SPMAP2L: variants seen among roughly 807,000 people sequenced by gnomAD.
SPMAP2L encodes the protein sperm microtubule associated protein 2-like.
the SPMAP2L span, among the ~76,000 whole-genome samples, chr4:56,624,689 C>T: frequency 6.6e-6 from 1 of 152,228 alleles, no homozygotes; most frequent in Non-Finnish European, 1.5e-5. Flanking sequence ...TTGGCAGCTT[C>T]CACTTGGTGT....
chr4:56,607,376 G>A, the SPMAP2L span, among the ~76,000 whole-genome samples: 1 of 152,164 alleles, frequency 6.6e-6, no homozygotes, highest in African/African-American at 2.4e-5. Flanking sequence ...CCCAGCCTCA[G>A]CTGTGAGAAA....
At chr4:56,618,903 A>G in the SPMAP2L span, among the ~76,000 whole-genome samples, 1 of 152,184 alleles carries the variant, frequency 6.6e-6, no homozygotes, top group East Asian at 1.9e-4. Flanking sequence ...TTATCTGTGC[A>G]GGAGGGCCAT....
At chr4:56,597,526 A>G in the SPMAP2L span, among the ~76,000 whole-genome samples, 1 of 152,188 alleles carries the variant, frequency 6.6e-6, no homozygotes, top group African/African-American at 2.4e-5. Flanking sequence ...AGGATTTAAT[A>G]TGGAATTCTA....
chr4:56,538,708 T>C, the SPMAP2L span, among the ~76,000 whole-genome samples: 10 of 151,990 alleles, frequency 6.6e-5, no homozygotes, highest in African/African-American at 2.4e-4. Flanking sequence ...GAGGCTGAGG[T>C]AGGAGAATCA....
chr4:56,606,953 A>G, the SPMAP2L span, among the ~76,000 whole-genome samples: 6,610 of 152,244 alleles, frequency 0.043, 340 homozygotes, highest in African/African-American at 0.12. Context: ...TGGTGGAGAC[A>G]GTAAGAAGTG....
the SPMAP2L span, among the ~76,000 whole-genome samples, chr4:56,612,679 T>C: frequency 6.6e-6 from 1 of 152,046 alleles, no homozygotes; most frequent in Non-Finnish European, 1.5e-5. Context: ...GCGACTCTCC[T>C]ACCTCAGCCT....
At chr4:56,595,030 G>A in the SPMAP2L span, 5 of 1,606,930 alleles carry the variant, frequency 3.1e-6, no homozygotes, top group African/African-American at 1.3e-5. Flanking sequence ...AAAGCGGAAT[G>A]AGGATGCCTG....
At chr4:56,530,772 G>T in the SPMAP2L span, 1 of 1,535,402 alleles carries the variant, frequency 6.5e-7, no homozygotes, top group East Asian at 2.4e-5. Context: ...AAGTCTTCCA[G>T]AAGCCCATTG....
At chr4:56,622,750 A>T in the SPMAP2L span, among the ~76,000 whole-genome samples, 1 of 152,190 alleles carries the variant, frequency 6.6e-6, no homozygotes, top group Admixed American at 6.5e-5. Context: ...AGCCACCTAC[A>T]TCCTTCTCCC....
chr4:56,538,694 T>C, the SPMAP2L span, among the ~76,000 whole-genome samples: 1 of 152,086 alleles, frequency 6.6e-6, no homozygotes, highest in South Asian at 2.1e-4. Context: ...TCCCAGCTAC[T>C]CTGGAGGCTG....
chr4:56,556,202 T>C, the SPMAP2L span, among the ~76,000 whole-genome samples: 2 of 152,156 alleles, frequency 1.3e-5, no homozygotes, highest in South Asian at 4.1e-4. Flanking sequence ...GGCAAGAAGA[T>C]AATTTGGGGC....
At chr4:56,615,694 GGT>G in the SPMAP2L span, among the ~76,000 whole-genome samples, 1 of 152,166 alleles carries the variant, frequency 6.6e-6, no homozygotes, top group Non-Finnish European at 1.5e-5. Flanking sequence ...GTTGCAGTGA[GGT>G]GAGATTGCGC....
At chr4:56,596,058 A>T in the SPMAP2L span, among the ~76,000 whole-genome samples, 1 of 152,154 alleles carries the variant, frequency 6.6e-6, no homozygotes, top group Non-Finnish European at 1.5e-5. Context: ...CTTAATAGAC[A>T]TTTTTTTGTT....
chr4:56,622,270 T>C, the SPMAP2L span, among the ~76,000 whole-genome samples: 816 of 152,370 alleles, frequency 5.4e-3, 4 homozygotes, highest in African/African-American at 0.019. Context: ...GGTTAAAACA[T>C]GCTTGAAGTT....
At chr4:56,574,603 T>A in the SPMAP2L span, among the ~76,000 whole-genome samples, 1 of 152,122 alleles carries the variant, frequency 6.6e-6, no homozygotes, top group East Asian at 1.9e-4. Context: ...AGTAAAAAAA[T>A]TTATTTATAT....
the SPMAP2L span, among the ~76,000 whole-genome samples, chr4:56,555,322 C>G: frequency 6.6e-6 from 1 of 151,908 alleles, no homozygotes; most frequent in South Asian, 2.1e-4. Flanking sequence ...TATTTTATCC[C>G]ACTCATCTGT....
chr4:56,596,686 T>A, the SPMAP2L span: 1 of 1,444,160 alleles, frequency 6.9e-7, no homozygotes, highest in Non-Finnish European at 9.0e-7. Context: ...GCTCTTAGGA[T>A]GCTATTTTGC....
chr4:56,567,176 C>T, the SPMAP2L span, among the ~76,000 whole-genome samples: 9 of 152,012 alleles, frequency 5.9e-5, no homozygotes, highest in Non-Finnish European at 1.3e-4. Flanking sequence ...GCATTCTTAC[C>T]ATTTCCCATA....
the SPMAP2L span, among the ~76,000 whole-genome samples, chr4:56,611,709 C>T: frequency 2.0e-5 from 3 of 152,246 alleles, no homozygotes; most frequent in Admixed American, 1.3e-4. Flanking sequence ...ACAGCCTCTG[C>T]AACAATCATG....
Sources: allele counts gnomAD v4.1 joint callset (sites outside exome capture counted in the v4.1 genomes callset), GRCh38; gene constraint gnomAD v4.1.1; transcripts MANE v1.5; gene names NCBI Gene and HGNC (gene_info 2026-07-23, HGNC 2026-07-21).